SNX24: variants seen among roughly 807,000 people sequenced by gnomAD.
The protein encoded by SNX24 is sorting nexin 24, also known as sorting nexin-24.
A neutral mutation model predicts 28.7 loss-of-function variants in SNX24; 22 were observed. The ratio of observed to expected loss-of-function variants is 0.77; its 90% CI spans 0.55 to 1.10. The LOEUF (loss-of-function observed/expected upper bound fraction) is 1.10, where lower values mean the gene tolerates loss of function less well. Among genes scored for constraint, SNX24 ranks in the 50% least tolerant of loss-of-function variants. The pLI is 0.00. For missense variants in SNX24, 221 were observed against 201.1 expected, an observed-to-expected ratio of 1.10 and a Z score of -0.60; for synonymous variants, 69 against 71.5, an observed-to-expected ratio of 0.96 and a Z score of 0.18.
chr5:122,854,721 A>C (rs1035684912), intron 1 of SNX24, among the ~76,000 whole-genome samples: 4 of 152,156 alleles, frequency 2.6e-5, no homozygotes, highest in African/African-American at 7.2e-5. Flanking sequence ...GCACAGGGAC[A>C]TATATGAAGA....
intron 3 of SNX24, among the ~76,000 whole-genome samples, chr5:122,964,791 A>G (rs753277851): frequency 1.3e-5 from 2 of 152,122 alleles, no homozygotes; most frequent in Non-Finnish European, 2.9e-5. Flanking sequence ...CAAATATCAT[A>G]TTTTCATCCA....
At chr5:122,903,980 A>T (rs953190809) in intron 1 of SNX24, among the ~76,000 whole-genome samples, 4 of 152,214 alleles carry the variant, frequency 2.6e-5, no homozygotes, top group African/African-American at 9.6e-5. Context: ...TTAAAAACAT[A>T]AATGTATGTT....
chr5:122,861,191 C>G (rs1755445245), intron 1 of SNX24, among the ~76,000 whole-genome samples: 1 of 151,890 alleles, frequency 6.6e-6, no homozygotes, highest in African/African-American at 2.4e-5. Flanking sequence ...AATACAAAAA[C>G]TAGCTGGGCA....
At chr5:122,993,822 G>A (rs1015308269) in intron 3 of SNX24, among the ~76,000 whole-genome samples, 9 of 152,176 alleles carry the variant, frequency 5.9e-5, no homozygotes, top group Non-Finnish European at 1.3e-4. Context: ...TATCTCTGAA[G>A]TAGATATGGT....
intron 1 of SNX24, among the ~76,000 whole-genome samples, chr5:122,912,734 GTTT>G (rs71223068): frequency 7.3e-6 from 1 of 137,008 alleles, no homozygotes. Flanking sequence ...AATCATGTGG[GTTT>G]TTTTTTTTTT....
At chr5:122,904,477 C>G (rs1294371155) in intron 1 of SNX24, among the ~76,000 whole-genome samples, 1 of 152,120 alleles carries the variant, frequency 6.6e-6, no homozygotes, top group African/African-American at 2.4e-5. Context: ...GCCACCACTC[C>G]CGGCCTTTTT....
intron 1 of SNX24, among the ~76,000 whole-genome samples, chr5:122,914,811 C>T (rs184932039): frequency 5.9e-5 from 9 of 152,054 alleles, no homozygotes; most frequent in Non-Finnish European, 7.3e-5. Context: ...GTCTTGCTAG[C>T]GGTCTATCAA....
At chr5:122,943,590 G>T (rs1213706175) in intron 2 of SNX24, among the ~76,000 whole-genome samples, 2 of 152,214 alleles carry the variant, frequency 1.3e-5, no homozygotes, top group African/African-American at 4.8e-5. Context: ...GCAGAACTGA[G>T]GTCCCTTTTT....
Position 123,008,065 on chromosome 5 carries a change from T to C in SNX24, c.*316T>C, listed in dbSNP as rs905693568. Reference sequence around the variant, plus strand: ...TGGGTGTAGCAAAACAAAGCCACTCTCTGCTTCAGTCGCACCATTTGCTAA... The same window carrying C: ...TGGGTGTAGCAAAACAAAGCCACTCCCTGCTTCAGTCGCACCATTTGCTAA... On this transcript the variant is annotated 3_prime_UTR_variant, in exon 7 of 7. Coordinates refer to ENST00000261369, the MANE Select transcript of SNX24 (RefSeq NM_014035.4). 1 of 1,062,890 alleles carries C rather than the reference T, an allele frequency of 9.4e-7. No individual in the cohort carries two copies. Among genetic ancestry groups the C allele is most frequent in the Non-Finnish European group, 1.1e-6 (1 of 879,700 alleles). The allele number at this position is 1,062,890 out of a possible 1,614,324, so 65.8% of individuals were successfully genotyped here.
chr5:122,988,554 G>T (rs1761700482), intron 3 of SNX24, among the ~76,000 whole-genome samples: 1 of 152,150 alleles, frequency 6.6e-6, no homozygotes, highest in Admixed American at 6.5e-5. Context: ...TATTAAAGTA[G>T]AATTGTATTT....
chr5:123,011,367 C>T (rs981440994), downstream of SNX24, among the ~76,000 whole-genome samples: 8 of 152,280 alleles, frequency 5.3e-5, no homozygotes, highest in Non-Finnish European at 8.8e-5. Context: ...ATATTGGCAG[C>T]CCTCGTGTCC....
intron 1 of SNX24, among the ~76,000 whole-genome samples, chr5:122,912,926 T>C (rs1478314255): frequency 1.3e-5 from 2 of 151,964 alleles, no homozygotes; most frequent in Non-Finnish European, 2.9e-5. Flanking sequence ...TTAAGGAGCA[T>C]GCTGCCTTCA....
intron 3 of SNX24, among the ~76,000 whole-genome samples, chr5:122,983,381 G>C (rs1280143582): frequency 6.6e-6 from 1 of 151,888 alleles, no homozygotes; most frequent in African/African-American, 2.4e-5. Flanking sequence ...AAGACACTTA[G>C]AACCTGTGAT....
intron 1 of SNX24, among the ~76,000 whole-genome samples, chr5:122,895,922 G>A (rs970427207): frequency 1.2e-4 from 18 of 152,212 alleles, no homozygotes; most frequent in Non-Finnish European, 4.4e-5. Context: ...GCCAAGGTGG[G>A]CAAATCACTT....
chr5:122,962,314 A>G (rs1312877794), intron 3 of SNX24, among the ~76,000 whole-genome samples: 2 of 152,206 alleles, frequency 1.3e-5, no homozygotes, highest in African/African-American at 4.8e-5. Flanking sequence ...GAATTGTACT[A>G]CTTAATTTCA....
At chr5:122,853,050 C>T (rs1754994796) in intron 1 of SNX24, among the ~76,000 whole-genome samples, 1 of 149,648 alleles carries the variant, frequency 6.7e-6, no homozygotes, top group Admixed American at 6.7e-5. Context: ...AGGCTCATAG[C>T]AGAAGCCCAC....
chr5:122,982,592 A>C (rs758668931), intron 3 of SNX24, among the ~76,000 whole-genome samples: 2 of 152,246 alleles, frequency 1.3e-5, no homozygotes, highest in African/African-American at 4.8e-5. Flanking sequence ...GCTGCCCAGC[A>C]CAGAACAAGT....
At chr5:122,996,716 C>G (rs542010706) in intron 3 of SNX24, among the ~76,000 whole-genome samples, 1 of 152,248 alleles carries the variant, frequency 6.6e-6, no homozygotes, top group South Asian at 2.1e-4. Flanking sequence ...CTCAGGTCTT[C>G]CTGAAAGCCC....
At chr5:122,914,357 C>G (rs975020645) in intron 1 of SNX24, among the ~76,000 whole-genome samples, 1 of 152,180 alleles carries the variant, frequency 6.6e-6, no homozygotes, top group African/African-American at 2.4e-5. Context: ...CTACAATTCT[C>G]TTTTCTTGTT....
Sources: gnomAD v4.1 joint callset for allele counts (sites outside exome capture counted in the v4.1 genomes callset) on GRCh38, gnomAD v4.1.1 for gene constraint, MANE v1.5 for transcripts, NCBI Gene and HGNC (gene_info 2026-07-23, HGNC 2026-07-21) for gene names.